AQR: variants seen among roughly 807,000 people sequenced by gnomAD.
AQR encodes RNA helicase aquarius.
A neutral mutation model predicts 180.5 loss-of-function variants in AQR; 61 were observed. The observed-to-expected ratio is 0.34, with a 90% CI of 0.28 to 0.42. The LOEUF (loss-of-function observed/expected upper bound fraction) is 0.42. AQR is among the 10% of genes least tolerant of loss of function. The pLI, the probability that AQR is intolerant of heterozygous loss-of-function variation, is 1.00. For synonymous variants in AQR, 551 were observed against 588.8 expected, an observed-to-expected ratio of 0.94 and a Z score of 0.93; for missense variants, 1,281 against 1,798.3, an observed-to-expected ratio of 0.71 and a Z score of 5.20.
In AQR at chr15:34,860,101, C is replaced by T. The variant is rs1892648968; in HGVS notation, c.4084G>A (p.Ala1362Thr). Residue 1362 changes from alanine (A) to threonine (T), a missense_variant, in exon 34 of 35, where the codon GCA (alanine) becomes ACA (threonine). Physicochemically the swap from Ala to Thr is moderately conservative, Grantham distance 58. Around this residue, in one of 9 missense-constraint regions of AQR, gnomAD observed 182 missense variants for 185.3 expected, o/e 0.98. Coordinates refer to ENST00000156471, the MANE Select transcript of AQR (RefSeq NM_014691.3). ...ATGTACATGTTGTATACAAAGTTTG[C>T]CATCTGGGGCATATTTTTTATTATT... ...VQIIKNMPQM[A>T]NFVYNMYMHL... 4 of 1,520,206 alleles carry T rather than the reference C, an allele frequency of 2.6e-6. No individual in the cohort carries two copies. The highest frequency in any genetic ancestry group is 2.7e-5 in the South Asian group (2 of 75,012). The allele number at this position is 1,520,206 out of a possible 1,614,324, so 94.2% of individuals were successfully genotyped here.
intron 13 of AQR, 81 bp from the exon 14 acceptor site, chr15:34,920,515 A>G: frequency 2.9e-6 from 3 of 1,044,996 alleles, no homozygotes; most frequent in South Asian, 2.9e-5. Flanking sequence ...CAAATAGCTT[A>G]AAAAAGCAAA....
rs368693341 is a variant in AQR, at chr15:34,934,556, C to G, written c.783+15G>C. ...TAATGATTATATAACAAAAAAGTCA[C>G]GGTAGATTTCTTACCTCTAGATCAA... On this transcript the variant is annotated intron_variant, in intron 10 of 34. Transcript: ENST00000156471. The G allele has an allele frequency of 3.2e-6, 5 of 1,567,710 alleles. No homozygotes were observed. Among genetic ancestry groups the G allele is most frequent in the African/African-American group, 2.8e-5 (2 of 72,466 alleles).
At chr15:34,912,209 G>A (rs1168754343) in intron 16 of AQR, among the ~76,000 whole-genome samples, 1 of 152,096 alleles carries the variant, frequency 6.6e-6, no homozygotes, top group Non-Finnish European at 1.5e-5. Context: ...GAAGTATGAT[G>A]TCTCCAGCTT....
rs139036452 is a variant in AQR, at chr15:34,867,416, A to G, written c.3854+108T>C. On this transcript the variant is annotated intron_variant, in intron 32 of 34. Transcript: ENST00000156471. Reference sequence around the variant, plus strand: ...CAAAAAGCAGCAAAAGTTGCCTAGTAATTATAGTTTAAACTTAAAAAATAT... The same window carrying G: ...CAAAAAGCAGCAAAAGTTGCCTAGTGATTATAGTTTAAACTTAAAAAATAT... 6.4e-5 allele frequency: 58 copies of G among 910,416 alleles called. No homozygotes were observed. The Middle Eastern group carries it at 7.3e-4, about 11-fold the overall frequency. 56.4% of individuals were successfully genotyped at this position (910,416 alleles called of 1,614,324 possible). A position where few individuals can be genotyped will look rare whatever the true frequency, so the allele number is the denominator to read the frequency against.
intron 19 of AQR, among the ~76,000 whole-genome samples, chr15:34,903,967 T>C (rs1403010657): frequency 6.6e-6 from 1 of 152,056 alleles, no homozygotes; most frequent in Non-Finnish European, 1.5e-5. Context: ...ATACCTACTT[T>C]TGATTCAAAA....
At chr15:34,936,501 A>C (rs1276290998) in intron 9 of AQR, among the ~76,000 whole-genome samples, 1 of 152,150 alleles carries the variant, frequency 6.6e-6, no homozygotes, top group Non-Finnish European at 1.5e-5. Context: ...GGATCACTTG[A>C]GGTCAGGAGT....
At chr15:34,916,898 A>AAAAAAAAAAAAAAAAC in intron 15 of AQR, among the ~76,000 whole-genome samples, 1 of 121,266 alleles carries the variant, frequency 8.2e-6, no homozygotes, top group Non-Finnish European at 1.8e-5. Flanking sequence ...AAAAAAAAAA[A>AAAAAAAAAAAAAAAAC]AAAGAAAGAA....
intron 17 of AQR, among the ~76,000 whole-genome samples, chr15:34,909,676 T>C (rs1013484009): frequency 1.1e-4 from 17 of 152,340 alleles, no homozygotes; most frequent in Admixed American, 6.5e-4. Context: ...TCTATTTTTT[T>C]CACCTTGGCT....
intron 19 of AQR, 60 bp downstream of exon 19, chr15:34,904,276 A>G: frequency 7.9e-7 from 1 of 1,269,170 alleles, no homozygotes; most frequent in Non-Finnish European, 1.1e-6. Flanking sequence ...CTCTGTATTT[A>G]TGTCATAAAA....
intron 31 of AQR, among the ~76,000 whole-genome samples, chr15:34,870,459 C>T (rs1442703062): frequency 6.6e-6 from 1 of 152,090 alleles, no homozygotes; most frequent in African/African-American, 2.4e-5. Context: ...CAAAGCAAAA[C>T]ATACTCCTTG....
At chr15:34,919,238 C>CAA (rs35127817) in intron 14 of AQR, among the ~76,000 whole-genome samples, 2 of 111,268 alleles carry the variant, frequency 1.8e-5, no homozygotes, top group South Asian at 3.0e-4. Context: ...GACTCCATCT[C>CAA]AAAAAAAAAA....
At chr15:34,951,635 C>T (rs1460170747) in intron 4 of AQR, among the ~76,000 whole-genome samples, 1 of 149,160 alleles carries the variant, frequency 6.7e-6, no homozygotes, top group Admixed American at 6.7e-5. Context: ...CGTGCCACTG[C>T]ACTCCAGCCT....
chr15:34,939,052 G>A (rs16960123), intron 8 of AQR, among the ~76,000 whole-genome samples: 1,544 of 152,014 alleles, frequency 0.01, 29 homozygotes, highest in African/African-American at 0.035. Flanking sequence ...TTCTCTCACC[G>A]TGAACGTTTT....
At chr15:34,921,257 A>T (rs556981222) in intron 13 of AQR, among the ~76,000 whole-genome samples, 16 of 151,592 alleles carry the variant, frequency 1.1e-4, no homozygotes, top group African/African-American at 3.9e-4. Context: ...AATATGGTGA[A>T]ACCCCGTCTC....
intron 13 of AQR, among the ~76,000 whole-genome samples, chr15:34,924,800 A>AATT (rs1318673530): frequency 2.0e-5 from 3 of 152,158 alleles, no homozygotes; most frequent in Non-Finnish European, 4.4e-5. Context: ...ACTATAGTGA[A>AATT]TATAATGAAT....
At chr15:34,876,583 G>A (rs1045203246) in intron 27 of AQR, among the ~76,000 whole-genome samples, 5 of 151,932 alleles carry the variant, frequency 3.3e-5, no homozygotes, top group Admixed American at 2.0e-4. Context: ...CTATGACTAC[G>A]GATAGCAAAC....
intron 25 of AQR, 66 bp downstream of exon 25, chr15:34,886,460 C>A: frequency 6.6e-7 from 1 of 1,511,450 alleles, no homozygotes; most frequent in South Asian, 1.3e-5. Context: ...CACAAGAACT[C>A]ATTCCAGCTT....
At chr15:34,895,211 T>C (rs1566984248) in intron 22 of AQR, among the ~76,000 whole-genome samples, 1 of 72,502 alleles carries the variant, frequency 1.4e-5, no homozygotes, top group South Asian at 4.6e-4. Flanking sequence ...TATATATATA[T>C]ATATATATAT....
intron 17 of AQR, among the ~76,000 whole-genome samples, chr15:34,907,967 C>T (rs770288637): frequency 3.3e-5 from 5 of 152,138 alleles, no homozygotes; most frequent in Non-Finnish European, 5.9e-5. Flanking sequence ...CTCCTTGCAA[C>T]CATTTGTATC....
Sources: allele counts gnomAD v4.1 joint callset (sites outside exome capture counted in the v4.1 genomes callset), GRCh38; gene constraint gnomAD v4.1.1; regional missense constraint gnomAD v4.1.1; transcripts MANE v1.5; gene names NCBI Gene and HGNC (gene_info 2026-07-23, HGNC 2026-07-21).